Variants in OFD1 observed in about 807,000 individuals in gnomAD.
OFD1 encodes the protein centriole and centriolar satellite protein OFD1.
A neutral mutation model predicts 81.4 loss-of-function variants in OFD1; 12 were observed. The ratio of observed to expected loss-of-function variants is 0.15; its 90% CI spans 0.09 to 0.24. OFD1 has a LOEUF of 0.24. Among genes scored for constraint, OFD1 ranks in the 10% least tolerant of loss-of-function variants. The pLI, the probability that OFD1 is intolerant of heterozygous loss-of-function variation, is 1.00. For missense variants in OFD1, 685 were observed against 733.9 expected (o/e 0.93, Z 0.77); for synonymous variants, 256 against 263.7 (o/e 0.97, Z 0.28).
chrX:13,757,350 A>G (rs1369954531), intron 13 of OFD1, among the ~76,000 whole-genome samples: 2 of 112,000 alleles, frequency 1.8e-5, no homozygotes, highest in Non-Finnish European at 3.8e-5. Flanking sequence ...CCAGATAGAG[A>G]GCTCCTTCTG....
chrX:13,749,253 T>G (rs964778380), intron 8 of OFD1, among the ~76,000 whole-genome samples, 174 bp from the exon 9 acceptor site: 1 of 111,983 alleles, frequency 8.9e-6, no homozygotes, highest in African/African-American at 3.3e-5. Context: ...GGAGTAAATT[T>G]TTATGCAACT....
chrX:13,736,179 G>A, intron 2 of OFD1: 2 of 898,734 alleles, frequency 2.2e-6, no homozygotes, highest in Non-Finnish European at 2.7e-6. Flanking sequence ...TGCTGAAATG[G>A]GCTTCTAGGG....
Position 13,756,436 on chromosome X carries a change from G to A in OFD1, c.1222-142G>A. On this transcript the variant is annotated intron_variant, in intron 12 of 22. Transcript: ENST00000340096. The stretch of plus-strand genomic sequence containing the variant: ...AAGATAATTTTCGTTATTGTAGTTA[G>A]AGTCTTATTGTAGAGAATCAGACTT... 3 of 460,204 alleles carry A rather than the reference G, an allele frequency of 6.5e-6. No homozygotes were observed. The East Asian group carries it at 1.1e-4, about 17-fold the overall frequency. The allele number at this position is 460,204 out of a possible 1,213,427, so 37.9% of individuals were successfully genotyped here. A position where few individuals can be genotyped will look rare whatever the true frequency, so the allele number is the denominator to read the frequency against.
chrX:13,743,323 T>C (rs921327034), intron 5 of OFD1, among the ~76,000 whole-genome samples: 2 of 112,817 alleles, frequency 1.8e-5, no homozygotes, highest in Non-Finnish European at 3.7e-5. Context: ...AATGTATCTT[T>C]CTGTAGCAGT....
chrX:13,743,969 G>A lies in OFD1; in HGVS notation c.413-446G>A, dbSNP rs143788520. ...TTATTCCTTCCAGGTTCTGTATCAT[G>A]CTTGGGAAGGCCTTTTCTCAGATTT... On this transcript the variant is annotated intron_variant, in intron 5 of 22. Transcript: ENST00000340096. Among the ~76,000 whole-genome samples the A allele has an allele frequency of 3.3e-3, 371 of 111,574 alleles. 5 individuals are homozygous for A. Among genetic ancestry groups the A allele is most frequent in the Admixed American group, 0.026 (276 of 10,444 alleles).
the OFD1 span, chrX:13,721,265 C>A: frequency 8.9e-6 from 1 of 112,030 alleles, no homozygotes; most frequent in Non-Finnish European, 1.9e-5. Flanking sequence ...AGTGTGACCA[C>A]AGGCAGTCCT....
rs753720350 is a variant in OFD1 at position 13,735,228 on chromosome X, A to G, written c.13-20A>G. ...GTTCCCTCTGCCCCGCAGGTAACCT[A>G]TAACCATTTTGTCTTTTAGTCCAAC... On this transcript the variant is annotated intron_variant, in intron 1 of 22. Transcript: ENST00000340096. The G allele has an allele frequency of 9.1e-6, 11 of 1,204,471 alleles. No individual in the cohort carries two copies. The highest frequency in any genetic ancestry group is 1.7e-5 in the African/African-American group (1 of 57,344).
In OFD1 at chrX:13,734,982, C is replaced by T. The variant is rs2046795390; in HGVS notation, c.-90C>T. On this transcript the variant is annotated 5_prime_UTR_variant, in exon 1 of 23. Coordinates refer to ENST00000340096, the MANE Select transcript of OFD1 (RefSeq NM_003611.3). ...GCAGGGTTCTGAGGGCAGGGATTCC[C>T]CCTCGTCTTGGCCCCACCGCCCGGG... 6.9e-6 allele frequency: 8 copies of T among 1,156,396 alleles called. No homozygotes were observed. The South Asian group carries it at 1.3e-4, about 19-fold the overall frequency.
At chrX:13,718,846 C>G in the OFD1 span, among the ~76,000 whole-genome samples, 2 of 111,722 alleles carry the variant, frequency 1.8e-5, no homozygotes, top group African/African-American at 6.5e-5. Flanking sequence ...GAACTGGGCT[C>G]TTCTCGTGTC....
At chrX:13,735,552 C>T (rs1001772545) in intron 2 of OFD1, among the ~76,000 whole-genome samples, 1 of 112,340 alleles carries the variant, frequency 8.9e-6, no homozygotes, top group African/African-American at 3.2e-5. Context: ...TTTGAGTCGT[C>T]TTAAAGGAGC....
In OFD1 at chrX:13,767,157, A is replaced by T. The variant is rs1569162835; in HGVS notation, c.2630A>T (p.Lys877Met). The stretch of plus-strand genomic sequence containing the variant: ...GATCAGAAACAAATTGAAGAACAAA[A>T]GGAAGAAGAAAAAATACGGGAACAG... ...SVDQKQIEEQ[K>M]EEEKIREQQV... Residue 877 changes from lysine (K) to methionine (M), a missense_variant, in exon 20 of 23, where the codon AAG (lysine) becomes ATG (methionine). Physicochemically the swap from Lys to Met is moderately conservative, Grantham distance 95. Transcript: ENST00000340096. 2.5e-6 allele frequency: 3 copies of T among 1,208,251 alleles called. No individual in the cohort carries two copies. The South Asian group carries it at 5.3e-5, about 21-fold the overall frequency.
At chrX:13,728,114 T>C in the OFD1 span, among the ~76,000 whole-genome samples, 1 of 111,513 alleles carries the variant, frequency 9.0e-6, no homozygotes, top group Non-Finnish European at 1.9e-5. Flanking sequence ...ATTAATAGCT[T>C]ACCAACCAAA....
chrX:13,765,600 G>A (rs1166379560), intron 19 of OFD1, among the ~76,000 whole-genome samples: 2 of 110,752 alleles, frequency 1.8e-5, no homozygotes, highest in African/African-American at 6.6e-5. Context: ...TTTAGAACAA[G>A]GCACAGCAAA....
chrX:13,768,497 A>G (rs1266495519), intron 21 of OFD1, among the ~76,000 whole-genome samples: 1 of 112,352 alleles, frequency 8.9e-6, no homozygotes, highest in African/African-American at 3.2e-5. Context: ...TATCAAATGC[A>G]TTAATACTGA....
chrX:13,771,133 T>TGTA (rs2048288953), downstream of OFD1: 7 of 112,515 alleles, frequency 6.2e-5, no homozygotes, highest in Non-Finnish European at 1.3e-4. Context: ...CAAAAATTTA[T>TGTA]ACATAGCAAA....
At position 13,738,884 on chromosome X, in the gene OFD1, C is replaced by T; in HGVS notation, c.351C>T (p.Ile117=). 8.4e-7 allele frequency: 1 copy of T among 1,192,610 alleles called. No homozygotes were observed. The highest frequency in any genetic ancestry group is 1.1e-6 in the Non-Finnish European group (1 of 879,546). Residue 117 remains isoleucine (I), a synonymous_variant, in exon 4 of 23, where the codon ATC becomes ATT. Transcript: ENST00000340096. ...AGGATCTATTACAACTCATTAAAAT[C>T]AACCCTACTTCCAGTCTCTACAAAT... ...TMQDLLQLIK[I]NPTSSLYKSL...
chrX:13,717,034 T>TAAAAAAAAAAAAAAAAAAA, the OFD1 span, among the ~76,000 whole-genome samples: 1 of 37,936 alleles, frequency 2.6e-5, no homozygotes, highest in Non-Finnish European at 4.3e-5. Context: ...GATACTATGT[T>TAAAAAAAAAAAAAAAAAAA]AAAAAAAAAA....
chrX:13,746,931 A>G lies in OFD1; in HGVS notation c.806A>G (p.Glu269Gly), dbSNP rs2047319254. ...GTTCTTCGGGAAAAGAGTACCCTTG[A>G]AAGAATTCACAAGCACCAAGAGGTG... ...ALVLREKSTL[E>G]RIHKHQEIET... Residue 269 changes from glutamate to glycine, a missense_variant, in exon 8 of 23, where the codon GAA becomes GGA. Coordinates refer to ENST00000340096, the MANE Select transcript of OFD1 (RefSeq NM_003611.3). 1 of 1,209,629 alleles carries G rather than the reference A, an allele frequency of 8.3e-7. No homozygotes were observed. Among genetic ancestry groups the G allele is most frequent in the Admixed American group, 2.2e-5 (1 of 45,722 alleles).
At chrX:13,715,682 AT>A in the OFD1 span, 2 of 402,227 alleles carry the variant, frequency 5.0e-6, no homozygotes, top group Non-Finnish European at 3.3e-6. Context: ...TTATGAAGTA[AT>A]TTTCCCTTAT....
Sources: gnomAD v4.1 joint callset for allele counts (sites outside exome capture counted in the v4.1 genomes callset) on GRCh38, gnomAD v4.1.1 for gene constraint, MANE v1.5 for transcripts, NCBI Gene and HGNC (gene_info 2026-07-23, HGNC 2026-07-21) for gene names.